UNC5D: variants seen among roughly 807,000 people sequenced by gnomAD.
UNC5D encodes unc-5 netrin receptor D.
UNC5D carries 39 observed loss-of-function variants against 105.4 expected under a neutral mutation model. That is an observed-to-expected ratio of 0.37 (90% CI 0.29 to 0.48). The LOEUF is 0.48. Among genes scored for constraint, UNC5D ranks in the 20% least tolerant of loss-of-function variants. The pLI is 0.98. For synonymous variants in UNC5D, 452 were observed against 450.4 expected, an observed-to-expected ratio of 1.00 and a Z score of -0.04; for missense variants, 991 against 1,202.4, an observed-to-expected ratio of 0.82 and a Z score of 2.60.
intron 1 of UNC5D, among the ~76,000 whole-genome samples, chr8:35,325,039 C>G (rs1287655412): frequency 6.6e-6 from 1 of 152,058 alleles, no homozygotes; most frequent in East Asian, 1.9e-4. Flanking sequence ...GACTGAAAGT[C>G]CCAAATAAAA....
At chr8:35,251,368 G>A (rs922954403) in intron 1 of UNC5D, among the ~76,000 whole-genome samples, 1 of 152,204 alleles carries the variant, frequency 6.6e-6, no homozygotes, top group South Asian at 2.1e-4. Flanking sequence ...GAGAACTTTC[G>A]TGAGAACCAC....
At position 35,688,165 on chromosome 8, in the gene UNC5D, A is replaced by C. The variant is rs1047384913; in HGVS notation, c.1084+1456A>C. On this transcript the variant is annotated intron_variant, in intron 7 of 16. Coordinates refer to ENST00000404895, the MANE Select transcript of UNC5D (RefSeq NM_080872.4). Reference sequence around the variant, plus strand: ...AAAAAAACAAAACAACAACAACAAAAAAAAACACACACAAGACTGAGCACT... The same window carrying C: ...AAAAAAACAAAACAACAACAACAAACAAAAACACACACAAGACTGAGCACT... Among the ~76,000 whole-genome samples, 89 of 151,960 alleles carry C rather than the reference A, an allele frequency of 5.9e-4. 1 individual carries two copies. Among genetic ancestry groups the C allele is most frequent in the African/African-American group, 2.1e-3 (87 of 41,378 alleles).
At chr8:35,694,832 C>T (rs771765168) in intron 7 of UNC5D, among the ~76,000 whole-genome samples, 31 of 152,112 alleles carry the variant, frequency 2.0e-4, no homozygotes, top group Non-Finnish European at 3.7e-4. Flanking sequence ...CCTCCCACCT[C>T]AGGCTCCCAA....
At chr8:35,560,887 A>C (rs1816907057) in intron 2 of UNC5D, among the ~76,000 whole-genome samples, 2 of 152,188 alleles carry the variant, frequency 1.3e-5, no homozygotes, top group East Asian at 1.9e-4. Context: ...TGACTTCAGC[A>C]TTTTCCTCCC....
intron 3 of UNC5D, among the ~76,000 whole-genome samples, chr8:35,586,295 C>T (rs1285977878): frequency 1.1e-4 from 17 of 152,138 alleles, no homozygotes; most frequent in Admixed American, 9.8e-4. Context: ...GTGCATAATA[C>T]ATAGATCTAA....
At chr8:35,435,863 G>A (rs1806973855) in intron 1 of UNC5D, among the ~76,000 whole-genome samples, 1 of 151,994 alleles carries the variant, frequency 6.6e-6, no homozygotes. Context: ...TTTCTGAGCT[G>A]CAGAATACTG....
At chr8:35,271,751 G>GTATACATTTATACATATATATT (rs1563268557) in intron 1 of UNC5D, among the ~76,000 whole-genome samples, 12 of 97,402 alleles carry the variant, frequency 1.2e-4, no homozygotes, top group Admixed American at 5.4e-4. Context: ...ATTTATACAT[G>GTATACATTTATACATATATATT]TATACATGTA....
At chr8:35,312,862 A>G (rs1390274092) in intron 1 of UNC5D, among the ~76,000 whole-genome samples, 1 of 152,178 alleles carries the variant, frequency 6.6e-6, no homozygotes, top group African/African-American at 2.4e-5. Flanking sequence ...CATTTATTTA[A>G]TCTTTTGCTT....
At chr8:35,454,635 C>G (rs746984488) in intron 1 of UNC5D, among the ~76,000 whole-genome samples, 15 of 152,136 alleles carry the variant, frequency 9.9e-5, no homozygotes, top group African/African-American at 1.7e-4. Flanking sequence ...CTTGTCCCTA[C>G]AAGCCCACAC....
intron 1 of UNC5D, among the ~76,000 whole-genome samples, chr8:35,241,212 C>T (rs1802783874): frequency 6.6e-6 from 1 of 152,226 alleles, no homozygotes; most frequent in African/African-American, 2.4e-5. Flanking sequence ...TGCATTTCCA[C>T]TTTGAAAAGA....
At chr8:35,748,333 G>A (rs2131632512) in intron 11 of UNC5D, among the ~76,000 whole-genome samples, 194 bp from the exon 12 acceptor site, 1 of 152,220 alleles carries the variant, frequency 6.6e-6, no homozygotes, top group African/African-American at 2.4e-5. Context: ...TGAAATCTAG[G>A]CTTAAACTCC....
chr8:35,556,613 T>C (rs1289218194), intron 2 of UNC5D, among the ~76,000 whole-genome samples: 2 of 152,212 alleles, frequency 1.3e-5, no homozygotes, highest in Non-Finnish European at 1.5e-5. Flanking sequence ...GTAGGTACAA[T>C]GCTTGTATAT....
At chr8:35,567,426 G>C (rs1443166694) in intron 2 of UNC5D, among the ~76,000 whole-genome samples, 1 of 152,088 alleles carries the variant, frequency 6.6e-6, no homozygotes, top group Non-Finnish European at 1.5e-5. Context: ...ACGCCAAGAT[G>C]GGAGGATTAC....
rs1803166245 is a variant in UNC5D at position 35,794,150 on chromosome 8, A to T, written c.*3587A>T. The T allele has an allele frequency of 6.6e-6, 1 of 152,080 alleles. No individual in the cohort carries two copies. The highest frequency in any genetic ancestry group is 1.5e-5 in the Non-Finnish European group (1 of 68,020). The allele number at this position is 152,080 out of a possible 1,614,324, so 9.4% of individuals were successfully genotyped here. ...CCTGTGAATTTCAAAATGTTATAAA[A>T]TCTCTTGATATGCTTTTGTTTTTCC... On this transcript the variant is annotated 3_prime_UTR_variant, in exon 17 of 17. Coordinates refer to ENST00000404895, the MANE Select transcript of UNC5D (RefSeq NM_080872.4).
At chr8:35,484,401 A>G (rs1169220329) in intron 1 of UNC5D, among the ~76,000 whole-genome samples, 2 of 152,122 alleles carry the variant, frequency 1.3e-5, no homozygotes, top group Non-Finnish European at 2.9e-5. Flanking sequence ...CCAATCTATC[A>G]GCATGTCTTA....
chr8:35,253,170 C>T (rs1357725361), intron 1 of UNC5D, among the ~76,000 whole-genome samples: 3 of 151,600 alleles, frequency 2.0e-5, no homozygotes. Flanking sequence ...GGAACTTCTT[C>T]TCCCACTTTG....
chr8:35,773,771 A>G (rs748384827), intron 15 of UNC5D, among the ~76,000 whole-genome samples: 1 of 152,110 alleles, frequency 6.6e-6, no homozygotes, highest in Non-Finnish European at 1.5e-5. Flanking sequence ...TGCCCAGGCT[A>G]GAGTGCAATG....
At chr8:35,613,415 T>G (rs796569281) in intron 4 of UNC5D, among the ~76,000 whole-genome samples, 5 of 152,342 alleles carry the variant, frequency 3.3e-5, no homozygotes, top group African/African-American at 1.2e-4. Context: ...TGAGTGTACC[T>G]TTCCCCATGG....
intron 14 of UNC5D, among the ~76,000 whole-genome samples, chr8:35,765,977 G>A (rs1801748324): frequency 6.6e-6 from 1 of 152,152 alleles, no homozygotes; most frequent in Non-Finnish European, 1.5e-5. Flanking sequence ...GTAGAAAGGA[G>A]AGAGGCTTTT....
Sources: gnomAD v4.1 joint callset for allele counts (sites outside exome capture counted in the v4.1 genomes callset) on GRCh38, gnomAD v4.1.1 for gene constraint, MANE v1.5 for transcripts, NCBI Gene and HGNC (gene_info 2026-07-23, HGNC 2026-07-21) for gene names.